KPNA4: variants seen among roughly 807,000 people sequenced by gnomAD.
KPNA4 encodes karyopherin subunit alpha 4, also known as importin subunit alpha-3.
Under a neutral mutation model 71.3 loss-of-function variants are expected in KPNA4, and 13 were observed. The observed-to-expected ratio is 0.18, with a 90% CI of 0.12 to 0.29. The LOEUF (loss-of-function observed/expected upper bound fraction) is 0.29, where lower values mean the gene tolerates loss of function less well. Ranked by LOEUF, KPNA4 falls within the 10% of genes least tolerant of loss-of-function variation. The pLI is 1.00. For synonymous variants in KPNA4, 189 were observed against 195.2 expected (o/e 0.97, Z 0.26); for missense variants, 334 against 603.2 (o/e 0.55, Z 4.67).
At chr3:160,543,459 A>G in intron 1 of KPNA4, among the ~76,000 whole-genome samples, 1 of 151,120 alleles carries the variant, frequency 6.6e-6, no homozygotes, top group Non-Finnish European at 1.5e-5. Flanking sequence ...TCCTGCCTGG[A>G]GTAGATGGGA....
At chr3:160,543,593 A>T (rs1293124616) in intron 1 of KPNA4, among the ~76,000 whole-genome samples, 1 of 152,164 alleles carries the variant, frequency 6.6e-6, no homozygotes, top group Non-Finnish European at 1.5e-5. Context: ...TTGGCCTCCC[A>T]AAGTGCTAGA....
chr3:160,522,481 G>A (rs911194912), intron 10 of KPNA4, among the ~76,000 whole-genome samples: 16 of 150,134 alleles, frequency 1.1e-4, no homozygotes, highest in African/African-American at 2.7e-4. Context: ...TTTTTGAGAC[G>A]GAGTCTCGCT....
chr3:160,548,445 A>G (rs1400823216), intron 1 of KPNA4, among the ~76,000 whole-genome samples: 3 of 152,140 alleles, frequency 2.0e-5, no homozygotes, highest in Admixed American at 6.5e-5. Context: ...TACATCCATT[A>G]AACAACTCCC....
intron 1 of KPNA4, 71 bp downstream of exon 1, chr3:160,565,143 A>G (rs927231865): frequency 7.5e-7 from 1 of 1,327,812 alleles, no homozygotes; most frequent in Non-Finnish European, 1.1e-6. Context: ...TAATCCCCAC[A>G]CTCGGGGTCC....
chr3:160,538,107 C>T (rs939740751), intron 1 of KPNA4, among the ~76,000 whole-genome samples: 1 of 149,992 alleles, frequency 6.7e-6, no homozygotes, highest in African/African-American at 2.4e-5. Flanking sequence ...CACACACACA[C>T]ACTATATATA....
intron 10 of KPNA4, among the ~76,000 whole-genome samples, chr3:160,524,919 G>T (rs1721431197): frequency 6.6e-6 from 1 of 152,212 alleles, no homozygotes; most frequent in Non-Finnish European, 1.5e-5. Context: ...GTAAAGAAAT[G>T]AAGCAGCTTG....
intron 1 of KPNA4, among the ~76,000 whole-genome samples, chr3:160,554,824 C>A (rs1037864629): frequency 6.6e-6 from 1 of 152,184 alleles, no homozygotes; most frequent in Admixed American, 6.5e-5. Context: ...AAACTCAGTG[C>A]CCCTTCCCGC....
chr3:160,514,202 A>C, intron 12 of KPNA4, 21 bp from the exon 13 acceptor site: 1 of 1,531,270 alleles, frequency 6.5e-7, no homozygotes, highest in Non-Finnish European at 8.9e-7. Flanking sequence ...AGAGCATTTG[A>C]ATATTTCTCA....
At chr3:160,505,110 A>T in intron 15 of KPNA4, 58 bp from the exon 16 acceptor site, 1 of 894,250 alleles carries the variant, frequency 1.1e-6, no homozygotes, top group Non-Finnish European at 1.6e-6. Flanking sequence ...GTGACAAGTT[A>T]GAATAATCTT....
intron 1 of KPNA4, among the ~76,000 whole-genome samples, chr3:160,551,900 ATTTG>A (rs1722046806): frequency 3.2e-5 from 4 of 126,506 alleles, no homozygotes; most frequent in African/African-American, 1.2e-4. Flanking sequence ...CACAAGGGAT[ATTTG>A]GCAATTTCTG....
chr3:160,532,749 T>C (rs750393938), intron 5 of KPNA4, among the ~76,000 whole-genome samples: 13 of 152,204 alleles, frequency 8.5e-5, no homozygotes, highest in African/African-American at 2.9e-4. Flanking sequence ...ACTACCTTTA[T>C]CAATGTAAAC....
At chr3:160,535,727 G>A (rs1303177581) in intron 3 of KPNA4, 37 bp from the exon 4 acceptor site, 4 of 1,570,766 alleles carry the variant, frequency 2.5e-6, no homozygotes, top group Non-Finnish European at 3.4e-6. Context: ...CAGTTAAAAA[G>A]TCACCTTAAA....
chr3:160,519,942 A>G (rs1272590548), intron 11 of KPNA4, among the ~76,000 whole-genome samples: 1 of 152,116 alleles, frequency 6.6e-6, no homozygotes, highest in Admixed American at 6.6e-5. Flanking sequence ...CCATTACACT[A>G]TTTTATTTTA....
chr3:160,554,428 C>T (rs2108560635), intron 1 of KPNA4, among the ~76,000 whole-genome samples: 1 of 152,286 alleles, frequency 6.6e-6, no homozygotes, highest in African/African-American at 2.4e-5. Flanking sequence ...TATGGACTTG[C>T]CTATCCTGGA....
chr3:160,499,309 A>G lies in KPNA4; in HGVS notation c.*2795T>C, dbSNP rs553502686. On this transcript the variant is annotated 3_prime_UTR_variant, in exon 17 of 17. Coordinates refer to ENST00000334256, the MANE Select transcript of KPNA4 (RefSeq NM_002268.5). ...GACTAGGGCGTCTCACACACCCCTA[A>G]TATAACATTCTTATTTTTACAGCAC... The G allele has an allele frequency of 2.2e-4, 34 of 152,282 alleles. No individual in the cohort carries two copies. Among genetic ancestry groups the G allele is most frequent in the Non-Finnish European group, 4.4e-4 (30 of 68,002 alleles). 9.4% of individuals were successfully genotyped at this position (152,282 alleles called of 1,614,324 possible).
intron 15 of KPNA4, 72 bp downstream of exon 15, chr3:160,508,035 T>C (rs551721530): frequency 1.3e-4 from 148 of 1,164,922 alleles, no homozygotes; most frequent in Non-Finnish European, 1.4e-4. Flanking sequence ...AGATGTGCTA[T>C]ATTAGTCGGC....
intron 11 of KPNA4, among the ~76,000 whole-genome samples, chr3:160,517,536 C>T (rs1721253969): frequency 1.3e-5 from 2 of 151,986 alleles, no homozygotes; most frequent in South Asian, 4.1e-4. Context: ...TGAGGCACTG[C>T]CAAAACTATA....
intron 13 of KPNA4, among the ~76,000 whole-genome samples, chr3:160,512,516 C>A (rs1296682619): frequency 6.6e-6 from 1 of 152,156 alleles, no homozygotes; most frequent in Non-Finnish European, 1.5e-5. Flanking sequence ...AAACATTTAT[C>A]TTGCCTATCC....
intron 1 of KPNA4, among the ~76,000 whole-genome samples, chr3:160,558,105 A>G (rs1001819720): frequency 6.6e-6 from 1 of 152,216 alleles, no homozygotes; most frequent in African/African-American, 2.4e-5. Flanking sequence ...TATATTTACA[A>G]TGTTTTGAGA....
Sources: allele counts gnomAD v4.1 joint callset (sites outside exome capture counted in the v4.1 genomes callset), GRCh38; gene constraint gnomAD v4.1.1; transcripts MANE v1.5; gene names NCBI Gene and HGNC (gene_info 2026-07-23, HGNC 2026-07-21).